The following EYS variants were observed in gnomAD, a reference collection of about 807,000 sequenced individuals.
EYS encodes the protein protein eyes shut homolog.
Under a neutral mutation model 282.1 loss-of-function variants are expected in EYS, and 250 were observed. That is an observed-to-expected ratio of 0.89 (90% CI 0.80 to 0.98). The LOEUF (loss-of-function observed/expected upper bound fraction) is 0.98, where lower values mean the gene tolerates loss of function less well. Among genes scored for constraint, EYS ranks in the 50% least tolerant of loss-of-function variants. EYS has a pLI of 0.00. For synonymous variants in EYS, 1,355 were observed against 1,282.9 expected, an observed-to-expected ratio of 1.06 and a Z score of -1.20; for missense variants, 4,016 against 3,709.0, an observed-to-expected ratio of 1.08 and a Z score of -2.15.
chr6:64,282,669 T>C (rs1016902932), intron 30 of EYS, among the ~76,000 whole-genome samples: 8 of 152,160 alleles, frequency 5.3e-5, no homozygotes, highest in Non-Finnish European at 1.5e-5. Context: ...TTCACACCAG[T>C]CCCATTTTAG....
intron 10 of EYS, among the ~76,000 whole-genome samples, chr6:65,343,698 GCATTT>G (rs1321245425): frequency 6.6e-6 from 1 of 151,110 alleles, no homozygotes; most frequent in Non-Finnish European, 1.5e-5. Flanking sequence ...AAAGACAAAT[GCATTT>G]CATTATGATC....
chr6:64,721,792 A>G (rs1347903556), intron 22 of EYS, among the ~76,000 whole-genome samples: 1 of 152,164 alleles, frequency 6.6e-6, no homozygotes, highest in Non-Finnish European at 1.5e-5. Flanking sequence ...CACCACATTG[A>G]AATCTTGGTT....
chr6:64,036,804 T>C (rs1254030082), intron 33 of EYS, among the ~76,000 whole-genome samples: 1 of 152,208 alleles, frequency 6.6e-6, no homozygotes, highest in Admixed American at 6.5e-5. Context: ...ATGTAATAAA[T>C]GTTATCTACC....
chr6:65,329,347 A>G, intron 11 of EYS: 1 of 848,212 alleles, frequency 1.2e-6, no homozygotes, highest in Non-Finnish European at 1.4e-6. Flanking sequence ...ATACAATGAT[A>G]TGTACTCTAG....
chr6:64,397,646 T>C (rs67074480), intron 28 of EYS, among the ~76,000 whole-genome samples: 36,412 of 151,812 alleles, frequency 0.24, 4,932 homozygotes, highest in East Asian at 0.39. Flanking sequence ...GGTATTTGGC[T>C]AATTGTGTCC....
intron 2 of EYS, among the ~76,000 whole-genome samples, chr6:65,581,967 A>T (rs1192779837): frequency 6.6e-6 from 1 of 151,904 alleles, no homozygotes; most frequent in Non-Finnish European, 1.5e-5. Flanking sequence ...AGGCCAGCAG[A>T]TCATGAGGTG....
intron 5 of EYS, among the ~76,000 whole-genome samples, chr6:65,485,417 T>G (rs915338774): frequency 6.6e-6 from 1 of 152,228 alleles, no homozygotes; most frequent in African/African-American, 2.4e-5. Flanking sequence ...TTTTTCTCAT[T>G]TTTTATTGCA....
intron 5 of EYS, among the ~76,000 whole-genome samples, chr6:65,414,713 G>A (rs1394768988): frequency 6.6e-6 from 1 of 152,076 alleles, no homozygotes; most frequent in African/African-American, 2.4e-5. Flanking sequence ...ATCCAAGTGA[G>A]GTTGGTTTAT....
At chr6:64,423,424 A>G (rs1774298708) in intron 28 of EYS, among the ~76,000 whole-genome samples, 1 of 152,250 alleles carries the variant, frequency 6.6e-6, no homozygotes, top group Non-Finnish European at 1.5e-5. Flanking sequence ...TGAAATATAC[A>G]CAATGTTTCT....
At chr6:64,928,018 T>G (rs1583301728) in intron 15 of EYS, among the ~76,000 whole-genome samples, 3 of 152,092 alleles carry the variant, frequency 2.0e-5, no homozygotes, top group African/African-American at 7.2e-5. Context: ...AGTTCTATAT[T>G]TTGGGTTCAG....
intron 26 of EYS, among the ~76,000 whole-genome samples, chr6:64,542,675 T>C (rs1764726621): frequency 6.6e-6 from 1 of 152,034 alleles, no homozygotes; most frequent in Non-Finnish European, 1.5e-5. Flanking sequence ...AAATAACACA[T>C]ATAAAATGAC....
intron 37 of EYS, among the ~76,000 whole-genome samples, chr6:63,799,003 A>ATGTG (rs1162466654): frequency 7.4e-6 from 1 of 134,356 alleles, no homozygotes; most frequent in African/African-American, 3.0e-5. Context: ...ATATATATAT[A>ATGTG]TATATATATA....
chr6:64,110,410 A>G (rs778023460), intron 31 of EYS, among the ~76,000 whole-genome samples: 55 of 151,956 alleles, frequency 3.6e-4, no homozygotes, highest in Non-Finnish European at 6.8e-4. Flanking sequence ...ATGTTATAAA[A>G]AATGTTGGTG....
At chr6:64,269,677 A>G (rs1002355249) in intron 30 of EYS, among the ~76,000 whole-genome samples, 2 of 152,068 alleles carry the variant, frequency 1.3e-5, no homozygotes, top group African/African-American at 4.8e-5. Flanking sequence ...TTAGGATACC[A>G]CATTATTTTC....
intron 12 of EYS, among the ~76,000 whole-genome samples, chr6:65,268,814 T>TAA (rs5876957): frequency 8.0e-5 from 12 of 150,840 alleles, no homozygotes; most frequent in African/African-American, 1.5e-4. Context: ...AGTTTTTTTT[T>TAA]AAAAAAAAGA....
chr6:64,822,095 A>G (rs1400730738), intron 20 of EYS, among the ~76,000 whole-genome samples: 2 of 152,010 alleles, frequency 1.3e-5, no homozygotes, highest in Non-Finnish European at 1.5e-5. Flanking sequence ...ATAAAAGAAA[A>G]CTAACGTGGA....
intron 24 of EYS, among the ~76,000 whole-genome samples, chr6:64,603,976 TTCCCTTATGACAACTTGACAACACACAA>T (rs1297634919): frequency 6.6e-6 from 1 of 151,828 alleles, no homozygotes; most frequent in Non-Finnish European, 1.5e-5. Flanking sequence ...TATTCTTTTC[TTCCCTTATGACAACTTGACAACACACAA>T]CAGGAATTCT....
chr6:65,421,284 G>A (rs888620731), intron 5 of EYS, among the ~76,000 whole-genome samples: 16 of 151,682 alleles, frequency 1.1e-4, no homozygotes, highest in Admixed American at 2.0e-4. Context: ...GCACTATTAT[G>A]TTATGGAAGT....
At chr6:64,842,206 G>T (rs886241097) in intron 19 of EYS, among the ~76,000 whole-genome samples, 3 of 151,400 alleles carry the variant, frequency 2.0e-5, no homozygotes, top group African/African-American at 7.3e-5. Context: ...TTTACATAAG[G>T]TCTGGAACAA....
Sources: gnomAD v4.1 joint callset for allele counts (sites outside exome capture counted in the v4.1 genomes callset) on GRCh38, gnomAD v4.1.1 for gene constraint, MANE v1.5 for transcripts, NCBI Gene and HGNC (gene_info 2026-07-23, HGNC 2026-07-21) for gene names.